Variants in BTRC observed in about 807,000 individuals in gnomAD.
BTRC encodes F-box/WD repeat-containing protein 1A.
In BTRC, 42 loss-of-function variants were observed where a neutral mutation model predicts 85.5. That is an observed-to-expected ratio of 0.49 (90% confidence interval 0.38 to 0.64). The LOEUF (loss-of-function observed/expected upper bound fraction) is 0.64. BTRC is among the 30% of genes least tolerant of loss of function. BTRC has a pLI of 0.00. For missense variants in BTRC, 594 were observed against 743.5 expected (o/e 0.80, Z 2.34); for synonymous variants, 255 against 263.3 (o/e 0.97, Z 0.30).
chr10:101,378,125 A>T (rs1942837642), intron 1 of BTRC, among the ~76,000 whole-genome samples: 1 of 152,152 alleles, frequency 6.6e-6, no homozygotes, highest in Admixed American at 6.5e-5. Context: ...AGTAATTTAG[A>T]TGGAGGCAAG....
chr10:101,356,286 A>G (rs1342973716), intron 1 of BTRC, among the ~76,000 whole-genome samples: 1 of 152,214 alleles, frequency 6.6e-6, no homozygotes, highest in Non-Finnish European at 1.5e-5. Context: ...GGTGTGAGCC[A>G]CAGCGCCCAG....
Position 101,550,838 on chromosome 10 carries a change from C to G in BTRC, c.1796C>G (p.Thr599Arg). ...QAEPPRSPSRTYTYISR is the reference protein window; with the variant it reads ...QAEPPRSPSRRYTYISR ...GAACCCCCCCGTTCCCCTTCTCGAA[C>G]ATACACCTACATCTCCAGATAAATA... Residue 599 changes from threonine (T) to arginine (R), a missense_variant, in exon 14 of 15, where the codon ACA becomes AGA. Physicochemically the swap from Thr to Arg is moderately conservative, Grantham distance 71 (BLOSUM62 -1). Around this residue, in one of 4 missense-constraint regions of BTRC, gnomAD observed 56 missense variants for 39.6 expected, o/e 1.41. Coordinates refer to ENST00000370187, the MANE Select transcript of BTRC (RefSeq NM_033637.4). 1 of 1,613,982 alleles carries G rather than the reference C, an allele frequency of 6.2e-7. No homozygotes were observed. The highest frequency in any genetic ancestry group is 8.5e-7 in the Non-Finnish European group (1 of 1,179,874).
chr10:101,465,682 A>G (rs1048787783), intron 3 of BTRC, among the ~76,000 whole-genome samples: 1 of 152,188 alleles, frequency 6.6e-6, no homozygotes, highest in African/African-American at 2.4e-5. Context: ...CATAACAGTA[A>G]TTCCAAAACC....
chr10:101,360,017 C>T (rs1307233933), intron 1 of BTRC, among the ~76,000 whole-genome samples: 1 of 152,014 alleles, frequency 6.6e-6, no homozygotes, highest in Non-Finnish European at 1.5e-5. Flanking sequence ...TTATTTATTG[C>T]TAAATTAGAA....
At chr10:101,475,317 A>G (rs889473894) in intron 3 of BTRC, among the ~76,000 whole-genome samples, 3 of 152,302 alleles carry the variant, frequency 2.0e-5, no homozygotes, top group Middle Eastern at 3.4e-3. Flanking sequence ...AGGCAGGTGG[A>G]TCAATTAAGG....
chr10:101,460,491 T>C (rs190565376), intron 2 of BTRC, among the ~76,000 whole-genome samples: 8 of 152,340 alleles, frequency 5.3e-5, no homozygotes, highest in East Asian at 1.9e-4. Context: ...AGCATGCTTT[T>C]TCTTTAATTT....
At chr10:101,497,917 G>A (rs1946304938) in intron 4 of BTRC, among the ~76,000 whole-genome samples, 1 of 152,062 alleles carries the variant, frequency 6.6e-6, no homozygotes. Flanking sequence ...CTACTCAGGA[G>A]GCTGAGGCAG....
At chr10:101,537,903 C>T (rs1008080145) in intron 12 of BTRC, among the ~76,000 whole-genome samples, 5 of 152,208 alleles carry the variant, frequency 3.3e-5, no homozygotes, top group African/African-American at 9.7e-5. Flanking sequence ...AAGAGCTACA[C>T]TTATCTTATT....
chr10:101,355,156 G>T (rs953883225), intron 1 of BTRC, among the ~76,000 whole-genome samples: 1 of 152,144 alleles, frequency 6.6e-6, no homozygotes, highest in African/African-American at 2.4e-5. Flanking sequence ...CAGGTGCTTT[G>T]TATCATTTTC....
At chr10:101,500,220 A>G (rs1946368057) in intron 4 of BTRC, among the ~76,000 whole-genome samples, 2 of 152,104 alleles carry the variant, frequency 1.3e-5, no homozygotes, top group South Asian at 2.1e-4. Context: ...CACCTAGGCT[A>G]TATGGTATAC....
intron 6 of BTRC, among the ~76,000 whole-genome samples, chr10:101,529,032 A>G (rs2062242660): frequency 6.6e-6 from 1 of 152,248 alleles, no homozygotes; most frequent in Non-Finnish European, 1.5e-5. Context: ...AAGTATAATA[A>G]AAGACCACTT....
intron 1 of BTRC, among the ~76,000 whole-genome samples, chr10:101,421,249 T>A (rs1009839336): frequency 1.3e-5 from 2 of 152,126 alleles, no homozygotes; most frequent in Admixed American, 6.6e-5. Flanking sequence ...ACCTCTTGGG[T>A]GCGATTTCTT....
chr10:101,525,936 G>A (rs2062184626), intron 5 of BTRC, 77 bp from the exon 6 acceptor site: 2 of 1,417,572 alleles, frequency 1.4e-6, no homozygotes, highest in East Asian at 2.4e-5. Flanking sequence ...ATGCTGTTCT[G>A]TTTTAAAGGA....
intron 2 of BTRC, among the ~76,000 whole-genome samples, chr10:101,452,725 G>C (rs974263708): frequency 6.6e-6 from 1 of 152,270 alleles, no homozygotes; most frequent in Middle Eastern, 3.4e-3. Flanking sequence ...TACTAGAAAA[G>C]AGCACTCCTT....
At chr10:101,382,548 A>G (rs1433323571) in intron 1 of BTRC, among the ~76,000 whole-genome samples, 1 of 151,990 alleles carries the variant, frequency 6.6e-6, no homozygotes, top group Non-Finnish European at 1.5e-5. Context: ...GCACTACTAC[A>G]TCAGAAGGCA....
At chr10:101,442,290 G>GTCTC (rs1554878814) in intron 2 of BTRC, among the ~76,000 whole-genome samples, 8 of 140,058 alleles carry the variant, frequency 5.7e-5, no homozygotes, top group Non-Finnish European at 9.3e-5. Context: ...CTCTGTCTCT[G>GTCTC]TGTGTATGTG....
At chr10:101,447,092 GCT>G (rs762740455) in intron 2 of BTRC, among the ~76,000 whole-genome samples, 2 of 152,116 alleles carry the variant, frequency 1.3e-5, no homozygotes, top group Non-Finnish European at 2.9e-5. Context: ...CAGACGAGTA[GCT>G]TATCTTGAGG....
chr10:101,501,423 G>T lies in BTRC; in HGVS notation c.325-20216G>T, dbSNP rs1202549503. Among the ~76,000 whole-genome samples the T allele has an allele frequency of 3.9e-5, 6 of 152,302 alleles. No individual in the cohort carries two copies. The South Asian group carries it at 1.0e-3, about 26-fold the overall frequency. Reference sequence around the variant, plus strand: ...GCAGATACTTCCCCCAGGTTGTATGGCTAATTAGTGATTTAGACTGGGCCT... The same window carrying T: ...GCAGATACTTCCCCCAGGTTGTATGTCTAATTAGTGATTTAGACTGGGCCT... On this transcript the variant is annotated intron_variant, in intron 4 of 14. Transcript: ENST00000370187.
At chr10:101,370,438 C>G (rs1363188894) in intron 1 of BTRC, among the ~76,000 whole-genome samples, 1 of 152,102 alleles carries the variant, frequency 6.6e-6, no homozygotes, top group Non-Finnish European at 1.5e-5. Context: ...TGATGGTACT[C>G]TGTCATCCTG....
Sources: gnomAD v4.1 joint callset for allele counts (sites outside exome capture counted in the v4.1 genomes callset) on GRCh38, gnomAD v4.1.1 for gene constraint, gnomAD v4.1.1 regional missense constraint, MANE v1.5 for transcripts, NCBI Gene and HGNC (gene_info 2026-07-23, HGNC 2026-07-21) for gene names.